Variants in RIMBP2 observed in about 807,000 individuals in gnomAD.
The protein encoded by RIMBP2 is RIMS binding protein 2, also known as RIMS-binding protein 2.
Under a neutral mutation model 118.6 loss-of-function variants are expected in RIMBP2, and 48 were observed. The ratio of observed to expected loss-of-function variants is 0.40; its 90% CI spans 0.32 to 0.51. The LOEUF (loss-of-function observed/expected upper bound fraction) is 0.51, where lower values mean the gene tolerates loss of function less well. Ranked by LOEUF, RIMBP2 falls within the 20% of genes least tolerant of loss-of-function variation. The pLI, the probability that RIMBP2 is intolerant of heterozygous loss-of-function variation, is 0.41. For missense variants in RIMBP2, 1,551 were observed against 1,768.3 expected (o/e 0.88, Z 2.20); for synonymous variants, 762 against 742.9 (o/e 1.03, Z -0.42).
intron 6 of RIMBP2, among the ~76,000 whole-genome samples, chr12:130,458,157 C>G (rs1566075308): frequency 6.6e-6 from 1 of 151,520 alleles, no homozygotes; most frequent in Non-Finnish European, 1.5e-5. Context: ...CTCCTTAGTC[C>G]AGAATGAAGC....
intron 1 of RIMBP2, among the ~76,000 whole-genome samples, chr12:130,672,518 C>T (rs530247508): frequency 6.6e-6 from 1 of 152,332 alleles, no homozygotes; most frequent in South Asian, 2.1e-4. Flanking sequence ...AACAGTATCT[C>T]CTTTTGCAGA....
intron 2 of RIMBP2, among the ~76,000 whole-genome samples, chr12:130,598,312 A>G (rs1275743516): frequency 6.6e-6 from 1 of 152,198 alleles, no homozygotes; most frequent in Non-Finnish European, 1.5e-5. Context: ...TTTTTAATGA[A>G]TTGATCTACA....
At chr12:130,651,840 T>C (rs1197601825) in intron 1 of RIMBP2, among the ~76,000 whole-genome samples, 1 of 152,250 alleles carries the variant, frequency 6.6e-6, no homozygotes, top group African/African-American at 2.4e-5. Context: ...AAGTCCTGTG[T>C]CTTAGCAGTT....
chr12:130,432,686 G>A (rs1287229707), intron 14 of RIMBP2, among the ~76,000 whole-genome samples: 1 of 152,196 alleles, frequency 6.6e-6, no homozygotes, highest in African/African-American at 2.4e-5. Context: ...GGCACCATCT[G>A]CAGGCCTCGG....
chr12:130,647,749 C>T (rs2063052614), intron 1 of RIMBP2, among the ~76,000 whole-genome samples: 1 of 145,934 alleles, frequency 6.9e-6, no homozygotes, highest in African/African-American at 2.5e-5. Flanking sequence ...CCAGAGATCC[C>T]ACCCTTTAAA....
intron 4 of RIMBP2, among the ~76,000 whole-genome samples, chr12:130,485,756 C>A (rs1042175348): frequency 1.3e-5 from 2 of 152,192 alleles, no homozygotes; most frequent in African/African-American, 4.8e-5. Flanking sequence ...CCTGCGGCCT[C>A]AGAGTCACTG....
At chr12:130,626,589 G>A (rs7978193) in intron 2 of RIMBP2, among the ~76,000 whole-genome samples, 4,424 of 145,148 alleles carry the variant, frequency 0.03, 194 homozygotes, top group African/African-American at 0.11. Context: ...CACGACTACC[G>A]CCGGCATCAC....
rs530896036 is a variant in RIMBP2 at position 130,639,353 on chromosome 12, C to T, written c.-351-10897G>A. Among the ~76,000 whole-genome samples, 352 of 146,964 alleles carry T rather than the reference C, an allele frequency of 2.4e-3. 3 individuals are homozygous for T. The highest frequency in any genetic ancestry group is 8.4e-3 in the African/African-American group (331 of 39,538). On this transcript the variant is annotated intron_variant, in intron 1 of 22. Transcript: ENST00000690449. The stretch of plus-strand genomic sequence containing the variant: ...GCATTGAGCCAAGATCACGCCATTG[C>T]ATCCCAGCCTGGGCAATAAAACTCC...
At chr12:130,559,571 C>T (rs1053324330) in intron 2 of RIMBP2, among the ~76,000 whole-genome samples, 1 of 152,196 alleles carries the variant, frequency 6.6e-6, no homozygotes, top group Non-Finnish European at 1.5e-5. Context: ...CGCTGAGGGA[C>T]ACTTAGGTTG....
At chr12:130,412,875 GA>G (rs1361463438) in intron 18 of RIMBP2, 88 bp from the exon 19 acceptor site, 2 of 1,208,102 alleles carry the variant, frequency 1.7e-6, no homozygotes, top group Admixed American at 5.4e-5. Flanking sequence ...GAGTGTAGTC[GA>G]AAATATATTT....
At chr12:130,588,885 C>G (rs142061370) in intron 2 of RIMBP2, among the ~76,000 whole-genome samples, 103 of 152,304 alleles carry the variant, frequency 6.8e-4, no homozygotes, top group Non-Finnish European at 1.3e-3. Context: ...AAACTGGTGT[C>G]CTGAACATGA....
At chr12:130,476,452 G>A (rs1292045030) in intron 5 of RIMBP2, among the ~76,000 whole-genome samples, 3 of 152,162 alleles carry the variant, frequency 2.0e-5, no homozygotes, top group Non-Finnish European at 4.4e-5. Context: ...GCCTCATGGT[G>A]CAGGCACCAC....
Position 130,572,520 on chromosome 12 carries a change from C to T in RIMBP2, c.-216-54603G>A, listed in dbSNP as rs921015227. 3.9e-5 allele frequency among the ~76,000 whole-genome samples: 6 copies of T among 152,092 alleles called. No individual in the cohort carries two copies. In the East Asian group the frequency reaches 1.2e-3, roughly 29 times the overall value. ...GACGACCTGATTCTTCCATCCCTTT[C>T]CCCTGTGTGCAGGTTTTACTGGGCT... On this transcript the variant is annotated intron_variant, in intron 2 of 22. Transcript: ENST00000690449.
At chr12:130,714,842 G>C (rs1300934738) in intron 1 of RIMBP2, among the ~76,000 whole-genome samples, 2 of 152,206 alleles carry the variant, frequency 1.3e-5, no homozygotes. Flanking sequence ...AGCCCAGCGG[G>C]GGATGAGTCT....
At chr12:130,596,639 G>T (rs142423607) in intron 2 of RIMBP2, among the ~76,000 whole-genome samples, 57 of 152,314 alleles carry the variant, frequency 3.7e-4, no homozygotes, top group African/African-American at 1.3e-3. Context: ...TAGTCACAGT[G>T]TGTAATGCGG....
Position 130,456,646 on chromosome 12 carries a change from G to A in RIMBP2, c.208C>T (p.Leu70=). 1.2e-6 allele frequency: 2 copies of A among 1,613,138 alleles called. No individual in the cohort carries two copies. The highest frequency in any genetic ancestry group is 1.1e-5 in the South Asian group (1 of 91,052). ...KCRTQSEQFN[L]LSRDLEKFRQ... The stretch of plus-strand genomic sequence containing the variant: ...AACTTCTCCAGGTCCCGGGACAGCA[G>A]GTTGAACTGCTCACTTTGAGTCCGG... Residue 70 remains leucine (L), a synonymous_variant, in exon 7 of 23, where the codon CTG becomes TTG. Transcript: ENST00000690449.
rs571625448 is a variant in RIMBP2 at position 130,424,309 on chromosome 12, C to T, written c.2962G>A (p.Asp988Asn). 9.4e-5 allele frequency: 116 copies of T among 1,231,500 alleles called. No individual in the cohort carries two copies. Among genetic ancestry groups the T allele is most frequent in the Admixed American group, 8.0e-4 (19 of 23,710 alleles). 76.3% of individuals were successfully genotyped at this position (1,231,500 alleles called of 1,614,324 possible). The change falls in exon 16 of 23, where the codon GAC becomes AAC. Residue 988 changes from aspartate (D) to asparagine (N), a missense_variant. Asp to Asn is a conservative substitution (Grantham distance 23). Coordinates refer to ENST00000690449, the MANE Select transcript of RIMBP2 (RefSeq NM_001393629.1). The surrounding 1 kb of genome is among the most constrained non-coding windows in gnomAD (Gnocchi z 9.8). Reference sequence around the variant, plus strand: ...GGCCTCTCCGGGCCGGGCTGGGGGTCGTCGTTCCTGAGGAGGCCACCAGGG... The same window carrying T: ...GGCCTCTCCGGGCCGGGCTGGGGGTTGTCGTTCCTGAGGAGGCCACCAGGG... Reference protein sequence around the residue: ...VGPGGLLRNDDPQPGPERPPP... With the variant: ...VGPGGLLRNDNPQPGPERPPP...
rs1441893213 is a variant in RIMBP2 at position 130,578,562 on chromosome 12, G to T, written c.-217+49760C>A. 1.3e-5 allele frequency among the ~76,000 whole-genome samples: 2 copies of T among 152,194 alleles called. No individual in the cohort carries two copies. Among genetic ancestry groups the T allele is most frequent in the Non-Finnish European group, 2.9e-5 (2 of 68,026 alleles). On this transcript the variant is annotated intron_variant, in intron 2 of 22. Transcript: ENST00000690449. The surrounding 1 kb of genome is among the most constrained non-coding windows in gnomAD (Gnocchi z 4.1). ...TCTGTTTCTCGATCATAGCAAACTTGCTCCAGCCTTGGGGCCTGTGCACTG... is the reference window on the plus strand; with the variant it reads ...TCTGTTTCTCGATCATAGCAAACTTTCTCCAGCCTTGGGGCCTGTGCACTG...
chr12:130,589,416 T>C (rs2059122041), intron 2 of RIMBP2, among the ~76,000 whole-genome samples: 1 of 152,240 alleles, frequency 6.6e-6, no homozygotes, highest in Non-Finnish European at 1.5e-5. Context: ...ATGTACTCAA[T>C]GAATCACTTT....
Sources: allele counts gnomAD v4.1 joint callset (sites outside exome capture counted in the v4.1 genomes callset), GRCh38; gene constraint gnomAD v4.1.1; non-coding constraint Gnocchi (gnomAD v3.1); transcripts MANE v1.5; gene names NCBI Gene and HGNC (gene_info 2026-07-23, HGNC 2026-07-21).